Variants in SEC23IP observed in about 807,000 individuals in gnomAD.
The protein encoded by SEC23IP is SEC23-interacting protein.
Under a neutral mutation model 113.4 loss-of-function variants are expected in SEC23IP, and 70 were observed. That is an observed-to-expected ratio of 0.62 (90% CI 0.51 to 0.75). The LOEUF is 0.75. SEC23IP is among the 30% of genes least tolerant of loss of function. The pLI, the probability that SEC23IP is intolerant of heterozygous loss-of-function variation, is 0.00. For synonymous variants in SEC23IP, 398 were observed against 421.0 expected (o/e 0.95, Z 0.67); for missense variants, 1,160 against 1,204.9 (o/e 0.96, Z 0.55).
rs753623650 is a variant in SEC23IP, at chr10:119,903,011, TA to T, written c.907+5del. 1.2e-6 allele frequency: 2 copies of T among 1,605,572 alleles called. No homozygotes were observed. Among genetic ancestry groups the T allele is most frequent in the Admixed American group, 3.3e-5 (2 of 59,950 alleles). On this transcript the variant is annotated splice_donor_region_variant and intron_variant, in intron 3 of 18. Transcript: ENST00000369075. ...ATCTTGAAGAAATCTATAATTCAGG[TA>T]AACATTGGTCATACATCATTCATAT...
At chr10:119,932,572 T>G (rs2134530106) in intron 16 of SEC23IP, among the ~76,000 whole-genome samples, 1 of 152,332 alleles carries the variant, frequency 6.6e-6, no homozygotes. Flanking sequence ...ATTGAGATTC[T>G]TAAGGCCAGA....
At chr10:119,904,057 A>C (rs191235497) in intron 3 of SEC23IP, 27 bp from the exon 4 acceptor site, 20 of 1,608,576 alleles carry the variant, frequency 1.2e-5, no homozygotes, top group Non-Finnish European at 1.6e-5. Context: ...TGCAGCAGTT[A>C]GGAAAAGTGT....
intron 2 of SEC23IP, among the ~76,000 whole-genome samples, chr10:119,901,389 C>T (rs549361336): frequency 4.1e-4 from 62 of 151,814 alleles, no homozygotes; most frequent in African/African-American, 1.2e-3. Flanking sequence ...TTTTTAATGG[C>T]GCTGGAGGAT....
At chr10:119,919,320 G>C (rs775089696) in intron 10 of SEC23IP, 124 bp from the exon 11 acceptor site, 7 of 882,222 alleles carry the variant, frequency 7.9e-6, no homozygotes, top group Non-Finnish European at 5.1e-6. Context: ...GAATGGCAAA[G>C]TACTGTGCCT....
chr10:119,926,040 AAGC>A lies in SEC23IP; in HGVS notation c.2130_2132del (p.Ala711del). ...CTAAATTTTGGTATTTTACAGAAAAAAGCAGCGTCAGAAAAGAAGGCAGTGGCG... is the reference window on the plus strand; with the variant it reads ...CTAAATTTTGGTATTTTACAGAAAAAAGCGTCAGAAAAGAAGGCAGTGGCG... On this transcript the variant is annotated inframe_deletion, in exon 13 of 19. Transcript: ENST00000369075. The A allele has an allele frequency of 6.2e-7, 1 of 1,609,218 alleles. No homozygotes were observed. The highest frequency in any genetic ancestry group is 8.5e-7 in the Non-Finnish European group (1 of 1,178,238).
In SEC23IP at chr10:119,903,026, C is replaced by T. The variant is rs768582632; in HGVS notation, c.907+17C>T. On this transcript the variant is annotated intron_variant, in intron 3 of 18. Transcript: ENST00000369075. Reference sequence around the variant, plus strand: ...ATAATTCAGGTAAACATTGGTCATACATCATTCATATCTGATTTTAGGAAG... The same window carrying T: ...ATAATTCAGGTAAACATTGGTCATATATCATTCATATCTGATTTTAGGAAG... The T allele has an allele frequency of 3.8e-6, 6 of 1,574,364 alleles. No homozygotes were observed. The East Asian group carries it at 9.0e-5, about 24-fold the overall frequency.
At chr10:119,903,031 T>C in intron 3 of SEC23IP, 22 bp downstream of exon 3, 2 of 1,562,296 alleles carry the variant, frequency 1.3e-6, no homozygotes, top group Non-Finnish European at 1.8e-6. Flanking sequence ...TCATACATCA[T>C]TCATATCTGA....
At chr10:119,939,807 T>C (rs891921135) in intron 18 of SEC23IP, among the ~76,000 whole-genome samples, 1 of 152,200 alleles carries the variant, frequency 6.6e-6, no homozygotes, top group African/African-American at 2.4e-5. Flanking sequence ...GCGATCCTCC[T>C]AACTTAGCAT....
rs1340887887 is a variant in SEC23IP at position 119,941,058 on chromosome 10, A to G, written c.*493A>G. On this transcript the variant is annotated 3_prime_UTR_variant, in exon 19 of 19. Transcript: ENST00000369075. ...TTAAGAGATTTATGTTCTACTTAAA[A>G]TGTGAATTGTACTTCTGAGCTGCCT... The G allele has an allele frequency of 1.3e-5, 2 of 152,226 alleles. No individual in the cohort carries two copies. The highest frequency in any genetic ancestry group is 2.9e-5 in the Non-Finnish European group (2 of 68,042). 9.4% of individuals were successfully genotyped at this position (152,226 alleles called of 1,614,324 possible).
At chr10:119,905,429 T>G (rs1170149104) in intron 4 of SEC23IP, among the ~76,000 whole-genome samples, 1 of 152,176 alleles carries the variant, frequency 6.6e-6, no homozygotes, top group Non-Finnish European at 1.5e-5. Context: ...ATGGGTGACA[T>G]AGACTTTGAA....
chr10:119,892,746 G>C lies in SEC23IP; in HGVS notation c.-37G>C. On this transcript the variant is annotated 5_prime_UTR_variant, in exon 1 of 19. Transcript: ENST00000369075. ...TTTCCGGTCAGTGGTGTGGTACCGG[G>C]TACCCGGAGACGTGTATCGGACGGT... 3 of 1,572,112 alleles carry C rather than the reference G, an allele frequency of 1.9e-6. No individual in the cohort carries two copies. Among genetic ancestry groups the C allele is most frequent in the Non-Finnish European group, 2.6e-6 (3 of 1,157,730 alleles).
chr10:119,925,285 A>G (rs758786418), intron 12 of SEC23IP, among the ~76,000 whole-genome samples: 1 of 152,128 alleles, frequency 6.6e-6, no homozygotes, highest in African/African-American at 2.4e-5. Context: ...TTCCTTCAAT[A>G]TGGAATAGTT....
chr10:119,924,559 C>T (rs553692875), intron 12 of SEC23IP, among the ~76,000 whole-genome samples: 1 of 151,924 alleles, frequency 6.6e-6, no homozygotes, highest in South Asian at 2.1e-4. Flanking sequence ...AGCTGGATTA[C>T]AGGCGCGCGC....
At chr10:119,899,522 A>G (rs1241236533) in intron 2 of SEC23IP, among the ~76,000 whole-genome samples, 1 of 152,366 alleles carries the variant, frequency 6.6e-6, no homozygotes, top group East Asian at 1.9e-4. Context: ...ACAGAATTAA[A>G]CAAAAAGAGA....
rs750989639 is a variant in SEC23IP, at chr10:119,914,796, G to A, written c.1379G>A (p.Arg460His). 10 of 1,614,044 alleles carry A rather than the reference G, an allele frequency of 6.2e-6. No homozygotes were observed. The highest frequency in any genetic ancestry group is 2.2e-5 in the South Asian group (2 of 91,080). The change falls in exon 7 of 19, where the codon CGC becomes CAC. Residue 460 changes from arginine (R) to histidine (H), a missense_variant. Arg to His is a conservative substitution (Grantham distance 29). Transcript: ENST00000369075. Reference sequence around the variant, plus strand: ...GGCATTGGACCTGTGTGTGACTTACGCTTTAGGAGCATTATTGAGTGTGGT... The same window carrying A: ...GGCATTGGACCTGTGTGTGACTTACACTTTAGGAGCATTATTGAGTGTGGT... The part of the protein sequence containing the change: ...VHGIGPVCDL[R>H]FRSIIECVDD...
intron 18 of SEC23IP, among the ~76,000 whole-genome samples, chr10:119,939,363 A>G (rs568161840): frequency 2.0e-5 from 3 of 152,116 alleles, no homozygotes; most frequent in Non-Finnish European, 2.9e-5. Context: ...TCAAATTAAC[A>G]TGGCAGATAA....
Sources: allele counts gnomAD v4.1 joint callset (sites outside exome capture counted in the v4.1 genomes callset), GRCh38; gene constraint gnomAD v4.1.1; transcripts MANE v1.5; gene names NCBI Gene and HGNC (gene_info 2026-07-23, HGNC 2026-07-21).